RAMP1: variants seen among roughly 807,000 people sequenced by gnomAD.
RAMP1 encodes the protein receptor activity-modifying protein 1.
In RAMP1, 7 loss-of-function variants were observed where a neutral mutation model predicts 8.2. The ratio of observed to expected loss-of-function variants is 0.85; its 90% CI spans 0.49 to 1.60. RAMP1 has a LOEUF of 1.60. Among genes scored for constraint, RAMP1 ranks in the 40% most tolerant of loss-of-function variants. RAMP1 has a pLI of 0.00. For synonymous variants in RAMP1, 92 were observed against 84.7 expected (o/e 1.09, Z -0.47); for missense variants, 192 against 202.4 (o/e 0.95, Z 0.31).
intron 1 of RAMP1, among the ~76,000 whole-genome samples, chr2:237,870,696 G>A (rs927508519): frequency 6.6e-6 from 1 of 152,164 alleles, no homozygotes; most frequent in Non-Finnish European, 1.5e-5. Flanking sequence ...AATGGCAGTC[G>A]GGGGCAGGAC....
intron 2 of RAMP1, among the ~76,000 whole-genome samples, chr2:237,888,116 C>A (rs1246260205): frequency 6.6e-6 from 1 of 152,056 alleles, no homozygotes; most frequent in Non-Finnish European, 1.5e-5. Flanking sequence ...TGCAGTGGCA[C>A]AATCTCGGCT....
intron 1 of RAMP1, among the ~76,000 whole-genome samples, chr2:237,870,942 G>A (rs184537801): frequency 8.6e-4 from 131 of 152,348 alleles, no homozygotes; most frequent in Middle Eastern, 3.4e-3. Context: ...CTCTGAGCCC[G>A]AGAGAGGGGA....
At position 237,911,763 on chromosome 2, in the gene RAMP1, C is replaced by T. The variant is rs535169017; in HGVS notation, c.427C>T (p.Arg143Cys). 70 of 1,609,934 alleles carry T rather than the reference C, an allele frequency of 4.3e-5. No homozygotes were observed. Among genetic ancestry groups the T allele is most frequent in the Non-Finnish European group, 5.5e-5 (65 of 1,178,298 alleles). ...GGCACTGGTGGTCTGGCAGAGCAAG[C>T]GCACTGAGGGCATTGTGTAGGCGGG... ...VTALVVWQSK[R>C]TEGIV The change falls in exon 3 of 3, where the codon CGC becomes TGC. Residue 143 changes from arginine (R) to cysteine (C), a missense_variant. Transcript: ENST00000254661.
chr2:237,879,190 G>A (rs1010458943), intron 2 of RAMP1, among the ~76,000 whole-genome samples: 2 of 152,196 alleles, frequency 1.3e-5, no homozygotes, highest in Non-Finnish European at 2.9e-5. Flanking sequence ...ACAATGGGGG[G>A]CCCCTGGAGA....
chr2:237,880,186 A>G (rs887845864), intron 2 of RAMP1, among the ~76,000 whole-genome samples: 8 of 139,486 alleles, frequency 5.7e-5, no homozygotes, highest in African/African-American at 2.4e-4. Context: ...GGATAAAGTC[A>G]CAGACAGAAT....
Position 237,877,497 on chromosome 2 carries a change from G to A in RAMP1, c.191+135G>A. On this transcript the variant is annotated intron_variant, in intron 2 of 2. Coordinates refer to ENST00000254661, the MANE Select transcript of RAMP1 (RefSeq NM_005855.4). The surrounding 1 kb of genome is among the most constrained non-coding windows in gnomAD (Gnocchi z 4.4). ...AAGGGTTCTTCCCCCAGTGGGGGGGGCCGGGATGAAGACAGAGGAGGGAGC... is the reference window on the plus strand; with the variant it reads ...AAGGGTTCTTCCCCCAGTGGGGGGGACCGGGATGAAGACAGAGGAGGGAGC... The A allele has an allele frequency of 4.1e-6, 5 of 1,231,130 alleles. No homozygotes were observed. Among genetic ancestry groups the A allele is most frequent in the Admixed American group, 2.8e-5 (1 of 35,874 alleles). The allele number at this position is 1,231,130 out of a possible 1,614,324, so 76.3% of individuals were successfully genotyped here.
At chr2:237,871,927 A>G (rs2062249673) in intron 1 of RAMP1, among the ~76,000 whole-genome samples, 1 of 152,196 alleles carries the variant, frequency 6.6e-6, no homozygotes, top group South Asian at 2.1e-4. Flanking sequence ...TTTACTAACA[A>G]TCATTGAATT....
At chr2:237,909,797 G>A (rs1214454229) in intron 2 of RAMP1, among the ~76,000 whole-genome samples, 1 of 152,152 alleles carries the variant, frequency 6.6e-6, no homozygotes, top group African/African-American at 2.4e-5. Flanking sequence ...AAGTTGTTCA[G>A]AAACAGATGG....
intron 1 of RAMP1, among the ~76,000 whole-genome samples, chr2:237,870,794 CCA>C (rs1231611415): frequency 6.6e-6 from 1 of 152,132 alleles, no homozygotes; most frequent in African/African-American, 2.4e-5. Context: ...CTGGAGGCTG[CCA>C]CAGTTATCCA....
In RAMP1 at chr2:237,908,410, C is replaced by CTGGTGGTGGTAGTGGTGGTGG. The variant is rs570662154; in HGVS notation, c.192-3108_192-3107insAGTGGTGGTGGTGGTGGTGGT. On this transcript the variant is annotated intron_variant, in intron 2 of 2. Coordinates refer to ENST00000254661, the MANE Select transcript of RAMP1 (RefSeq NM_005855.4). The stretch of plus-strand genomic sequence containing the variant: ...TCCCTTCCCCAGTGAGAAGAGACCT[C>CTGGTGGTGGTAGTGGTGGTGG]TGGTGGTGGTGGTGGTGGTGGTGGT... Among the ~76,000 whole-genome samples, 334 of 149,114 alleles carry CTGGTGGTGGTAGTGGTGGTGG rather than the reference C, an allele frequency of 2.2e-3. 6 individuals are homozygous for CTGGTGGTGGTAGTGGTGGTGG. The highest frequency in any genetic ancestry group is 6.0e-3 in the Admixed American group (89 of 14,916).
intron 2 of RAMP1, among the ~76,000 whole-genome samples, chr2:237,881,406 C>T (rs923333231): frequency 3.3e-5 from 5 of 152,226 alleles, no homozygotes; most frequent in African/African-American, 9.6e-5. Flanking sequence ...TCCGTGTTTT[C>T]CCAGCACTGG....
At chr2:237,903,091 T>C (rs2062620944) in intron 2 of RAMP1, among the ~76,000 whole-genome samples, 1 of 151,880 alleles carries the variant, frequency 6.6e-6, no homozygotes, top group Non-Finnish European at 1.5e-5. Flanking sequence ...ACTCCTGGCC[T>C]CAAGCGATCC....
At chr2:237,885,698 C>T (rs901624296) in intron 2 of RAMP1, among the ~76,000 whole-genome samples, 9 of 152,206 alleles carry the variant, frequency 5.9e-5, no homozygotes, top group African/African-American at 2.2e-4. Context: ...CCCTGCCCAC[C>T]GCCACACCAT....
intron 1 of RAMP1, among the ~76,000 whole-genome samples, chr2:237,874,947 G>C (rs556019796): frequency 6.6e-6 from 1 of 152,178 alleles, no homozygotes; most frequent in Admixed American, 6.5e-5. Flanking sequence ...GGGCAGCGGA[G>C]GAGGGCAGGT....
Position 237,877,146 on chromosome 2 carries a change from A to G in RAMP1, c.53-78A>G. 14 of 1,595,598 alleles carry G rather than the reference A, an allele frequency of 8.8e-6. No homozygotes were observed. Among genetic ancestry groups the G allele is most frequent in the Non-Finnish European group, 1.0e-5 (12 of 1,171,088 alleles). ...CCCGTTCTCGTGGAGTCCGGGCTGC[A>G]GGGGCGCGCGGGCTGGCGGTGATAC... On this transcript the variant is annotated intron_variant, in intron 1 of 2. Transcript: ENST00000254661. The surrounding 1 kb of genome is among the most constrained non-coding windows in gnomAD (Gnocchi z 4.4).
chr2:237,905,952 A>T (rs1443032942), intron 2 of RAMP1, among the ~76,000 whole-genome samples: 1 of 147,700 alleles, frequency 6.8e-6, no homozygotes, highest in African/African-American at 2.5e-5. Context: ...CGGAGGTTGC[A>T]GTGAGCTGAG....
intron 2 of RAMP1, among the ~76,000 whole-genome samples, chr2:237,894,401 G>T (rs899318388): frequency 3.9e-5 from 6 of 152,236 alleles, no homozygotes; most frequent in African/African-American, 1.4e-4. Context: ...TTCTGCCATT[G>T]TGGGAAGGAG....
chr2:237,864,375 A>G (rs1576531127), intron 1 of RAMP1, among the ~76,000 whole-genome samples: 1 of 152,168 alleles, frequency 6.6e-6, no homozygotes, highest in Admixed American at 6.5e-5. Flanking sequence ...CCGGGAGGGG[A>G]AGAAGCCTAG....
At chr2:237,871,757 T>C (rs1392373835) in intron 1 of RAMP1, among the ~76,000 whole-genome samples, 3 of 152,200 alleles carry the variant, frequency 2.0e-5, no homozygotes, top group Non-Finnish European at 2.9e-5. Context: ...TGTTCTAAAA[T>C]GTATGCAAAA....
Sources: gnomAD v4.1 joint callset for allele counts (sites outside exome capture counted in the v4.1 genomes callset) on GRCh38, gnomAD v4.1.1 for gene constraint, Gnocchi (gnomAD v3.1) non-coding constraint, MANE v1.5 for transcripts, NCBI Gene and HGNC (gene_info 2026-07-23, HGNC 2026-07-21) for gene names.